LRRC3B: variants seen among roughly 807,000 people sequenced by gnomAD.
LRRC3B encodes the protein leucine rich repeat containing 3B, also known as leucine-rich repeat-containing protein 3B.
Under a neutral mutation model 12.8 loss-of-function variants are expected in LRRC3B, and 2 were observed. The ratio of observed to expected loss-of-function variants is 0.16; its 90% CI spans 0.06 to 0.49. The LOEUF (loss-of-function observed/expected upper bound fraction) is 0.49. Ranked by LOEUF, LRRC3B falls within the 20% of genes least tolerant of loss-of-function variation. The pLI, the probability that LRRC3B is intolerant of heterozygous loss-of-function variation, is 0.96. For synonymous variants in LRRC3B, 132 were observed against 122.0 expected, an observed-to-expected ratio of 1.08 and a Z score of -0.54; for missense variants, 189 against 319.4, an observed-to-expected ratio of 0.59 and a Z score of 3.11.
chr3:26,625,002 G>A (rs1486087981), intron 1 of LRRC3B: 1 of 152,280 alleles, frequency 6.6e-6, no homozygotes, highest in African/African-American at 2.4e-5. Flanking sequence ...CTCTCCCTGA[G>A]GAGGTGCATG....
chr3:26,697,862 C>G (rs1273462482), intron 1 of LRRC3B, among the ~76,000 whole-genome samples: 2 of 152,118 alleles, frequency 1.3e-5, no homozygotes, highest in African/African-American at 4.8e-5. Flanking sequence ...ATAGAAGGTG[C>G]CCACAAAATG....
At chr3:26,656,455 T>C (rs915297319) in intron 1 of LRRC3B, among the ~76,000 whole-genome samples, 2 of 152,182 alleles carry the variant, frequency 1.3e-5, no homozygotes, top group African/African-American at 4.8e-5. Context: ...TTTGCCACTG[T>C]TATCTCTGTT....
At chr3:26,707,154 C>A (rs1208313745) in intron 1 of LRRC3B, among the ~76,000 whole-genome samples, 1 of 150,420 alleles carries the variant, frequency 6.6e-6, no homozygotes, top group Non-Finnish European at 1.5e-5. Flanking sequence ...GAGTTCAAGA[C>A]CAGCCTGGCC....
At chr3:26,630,193 A>G (rs906801070) in intron 1 of LRRC3B, among the ~76,000 whole-genome samples, 4 of 152,146 alleles carry the variant, frequency 2.6e-5, no homozygotes, top group Admixed American at 2.6e-4. Flanking sequence ...CATAGCATAG[A>G]TCAGTTCAAA....
intron 1 of LRRC3B, chr3:26,623,725 G>C (rs549802862): frequency 6.6e-6 from 1 of 152,396 alleles, no homozygotes; most frequent in Non-Finnish European, 1.5e-5. Context: ...GGACATGGAG[G>C]ATGGCTGCGG....
At chr3:26,653,212 G>A (rs534428844) in intron 1 of LRRC3B, among the ~76,000 whole-genome samples, 1 of 152,150 alleles carries the variant, frequency 6.6e-6, no homozygotes, top group East Asian at 1.9e-4. Context: ...TGGGGAAAGA[G>A]GAAAATGAGG....
intron 1 of LRRC3B, among the ~76,000 whole-genome samples, chr3:26,629,231 C>A (rs562234511): frequency 6.6e-6 from 1 of 151,280 alleles, no homozygotes; most frequent in East Asian, 2.0e-4. Flanking sequence ...TCACTCCCTC[C>A]CACTCTTCCT....
intron 1 of LRRC3B, among the ~76,000 whole-genome samples, chr3:26,637,032 T>A (rs1698916850): frequency 6.7e-6 from 1 of 149,152 alleles, no homozygotes; most frequent in Non-Finnish European, 1.5e-5. Context: ...GGAGTCTAAC[T>A]GTCACCCAGG....
chr3:26,697,344 T>C (rs1202599271), intron 1 of LRRC3B, among the ~76,000 whole-genome samples: 1 of 152,208 alleles, frequency 6.6e-6, no homozygotes, highest in African/African-American at 2.4e-5. Context: ...ACTTCTTGAC[T>C]TGTGGCTATA....
intron 1 of LRRC3B, among the ~76,000 whole-genome samples, chr3:26,699,712 T>C (rs1700407270): frequency 6.6e-6 from 1 of 152,188 alleles, no homozygotes; most frequent in Non-Finnish European, 1.5e-5. Context: ...CCTACATTTA[T>C]GTAGATTAGA....
At chr3:26,668,870 C>G (rs1699662750) in intron 1 of LRRC3B, among the ~76,000 whole-genome samples, 2 of 152,092 alleles carry the variant, frequency 1.3e-5, no homozygotes, top group Admixed American at 1.3e-4. Flanking sequence ...TTCTATAAGT[C>G]TATTTTTATA....
At chr3:26,647,069 C>T (rs1266933384) in intron 1 of LRRC3B, among the ~76,000 whole-genome samples, 2 of 152,126 alleles carry the variant, frequency 1.3e-5, no homozygotes, top group Non-Finnish European at 2.9e-5. Flanking sequence ...GTTTGTAGAA[C>T]ATACCAAGAA....
chr3:26,626,895 C>G (rs1575107090), intron 1 of LRRC3B, among the ~76,000 whole-genome samples: 1 of 152,286 alleles, frequency 6.6e-6, no homozygotes, highest in South Asian at 2.1e-4. Flanking sequence ...TCCTTCTGCA[C>G]TCCCAGGTAT....
chr3:26,656,949 C>G lies in LRRC3B; in HGVS notation c.-161+33712C>G, dbSNP rs1351152711. Among the ~76,000 whole-genome samples the G allele has an allele frequency of 2.0e-5, 3 of 152,150 alleles. No homozygotes were observed. The East Asian group carries it at 5.8e-4, about 29-fold the overall frequency. Reference sequence around the variant, plus strand: ...CAAGTTCAGATTCTTTTTTCTGCCACTTTATAGCTATGCAAGCACAACTTG... The same window carrying G: ...CAAGTTCAGATTCTTTTTTCTGCCAGTTTATAGCTATGCAAGCACAACTTG... On this transcript the variant is annotated intron_variant, in intron 1 of 1. Transcript: ENST00000396641.
intron 1 of LRRC3B, among the ~76,000 whole-genome samples, chr3:26,685,946 C>G (rs1340863807): frequency 6.6e-6 from 1 of 152,098 alleles, no homozygotes; most frequent in Non-Finnish European, 1.5e-5. Flanking sequence ...TTGGCAGTAG[C>G]TACCTCAGAT....
intron 1 of LRRC3B, among the ~76,000 whole-genome samples, chr3:26,650,863 G>A (rs370976165): frequency 5.9e-5 from 9 of 152,086 alleles, no homozygotes; most frequent in African/African-American, 1.9e-4. Flanking sequence ...TTTGTCTTGC[G>A]TCAGGCATAG....
chr3:26,663,179 T>C (rs1034884264), intron 1 of LRRC3B, among the ~76,000 whole-genome samples: 25 of 152,160 alleles, frequency 1.6e-4, no homozygotes, highest in Non-Finnish European at 3.4e-4. Context: ...TAGCCAGCTT[T>C]TAGCTTGATT....
intron 1 of LRRC3B, among the ~76,000 whole-genome samples, chr3:26,628,863 A>C (rs904087107): frequency 2.0e-5 from 3 of 147,726 alleles, no homozygotes; most frequent in African/African-American, 7.6e-5. Context: ...AAAAAAAAAA[A>C]TCCTCCACAA....
intron 1 of LRRC3B, among the ~76,000 whole-genome samples, chr3:26,644,798 A>G (rs1294801956): frequency 6.6e-6 from 1 of 152,194 alleles, no homozygotes; most frequent in Non-Finnish European, 1.5e-5. Flanking sequence ...TGGTCTTAAG[A>G]GATTCATATT....
Sources: gnomAD v4.1 joint callset for allele counts (sites outside exome capture counted in the v4.1 genomes callset) on GRCh38, gnomAD v4.1.1 for gene constraint, MANE v1.5 for transcripts, NCBI Gene and HGNC (gene_info 2026-07-23, HGNC 2026-07-21) for gene names.